The following DHCR24 variants were observed in gnomAD, a reference collection of about 807,000 sequenced individuals.
DHCR24 encodes the protein delta(24)-sterol reductase.
In DHCR24, 28 loss-of-function variants were observed where a neutral mutation model predicts 61.2. That is an observed-to-expected ratio of 0.46 (90% CI 0.34 to 0.63). The LOEUF is 0.63. DHCR24 is among the 20% of genes least tolerant of loss of function. DHCR24 has a pLI of 0.01. For synonymous variants in DHCR24, 261 were observed against 275.9 expected (o/e 0.95, Z 0.54); for missense variants, 538 against 679.1 (o/e 0.79, Z 2.31).
rs572795416 is a variant in DHCR24, at chr1:54,860,658, C to T, written c.1020+4645G>A. Among the ~76,000 whole-genome samples the T allele has an allele frequency of 5.8e-4, 88 of 152,302 alleles. 1 individual carries two copies. The highest frequency in any genetic ancestry group is 1.9e-4 in the Non-Finnish European group (13 of 68,038). ...TCCCATCATCCTTGGTTCCTTTCAC[C>T]GGTTCCTGGAAAAACGTCACTTTCT... On this transcript the variant is annotated intron_variant, in intron 6 of 8. Transcript: ENST00000371269.
intron 2 of DHCR24, among the ~76,000 whole-genome samples, chr1:54,876,759 G>A (rs1647036052): frequency 6.6e-6 from 1 of 151,674 alleles, no homozygotes; most frequent in Non-Finnish European, 1.5e-5. Context: ...TACTGTATTG[G>A]TACTGTGAAC....
rs1341060813 is a variant in DHCR24, at chr1:54,851,462, G to C, written c.*771C>G. 6.5e-6 allele frequency: 1 copy of C among 152,726 alleles called. No individual in the cohort carries two copies. The highest frequency in any genetic ancestry group is 6.5e-5 in the Admixed American group (1 of 15,280). The allele number at this position is 152,726 out of a possible 1,614,324, so 9.5% of individuals were successfully genotyped here. A position where few individuals can be genotyped will look rare whatever the true frequency, so the allele number is the denominator to read the frequency against. ...TCTCCACCTAGGTGTCCCAGGCTGA[G>C]GCTGGGACAAGATTCAACCCTGGAA... On this transcript the variant is annotated 3_prime_UTR_variant, in exon 9 of 9. Transcript: ENST00000371269.
chr1:54,875,418 AGAGG>A (rs1417954494), intron 3 of DHCR24, among the ~76,000 whole-genome samples: 4 of 152,106 alleles, frequency 2.6e-5, no homozygotes. Context: ...GGGTGTCCTT[AGAGG>A]AAGGGAGTGG....
chr1:54,869,049 AGAGT>A (rs1646982827), intron 5 of DHCR24, among the ~76,000 whole-genome samples: 1 of 152,240 alleles, frequency 6.6e-6, no homozygotes, highest in South Asian at 2.1e-4. Context: ...TCTGGGTGAC[AGAGT>A]GAGACCTTGT....
intron 6 of DHCR24, among the ~76,000 whole-genome samples, chr1:54,862,400 C>T (rs1226344334): frequency 2.0e-5 from 3 of 152,138 alleles, no homozygotes; most frequent in Non-Finnish European, 4.4e-5. Flanking sequence ...ATCCAGAGGT[C>T]GAGTCTGTCT....
rs1173550532 is a variant in DHCR24 at position 54,865,394 on chromosome 1, T to A, written c.929A>T (p.Asn310Ile). ...GCCCTCTCGGTTTGTCTTCAGATAG[T>A]TCTCCACATGCTTAAAGAACCACGG... ...YKPWFFKHVE[N>I]YLKTNREGLE... Residue 310 changes from asparagine (N) to isoleucine (I), a missense_variant, in exon 6 of 9, where the codon AAC becomes ATC. Transcript: ENST00000371269. 1 of 1,614,186 alleles carries A rather than the reference T, an allele frequency of 6.2e-7. No homozygotes were observed. The highest frequency in any genetic ancestry group is 1.1e-5 in the South Asian group (1 of 91,082).
At position 54,850,364 on chromosome 1, in the gene DHCR24, C is replaced by T. The variant is rs1036326495; in HGVS notation, c.*1869G>A. ...GAAGCACATGGGTCTCCTATGAGAG[C>T]TAATGCCAGAATTCACATGCTTTGT... On this transcript the variant is annotated 3_prime_UTR_variant, in exon 9 of 9. Coordinates refer to ENST00000371269, the MANE Select transcript of DHCR24 (RefSeq NM_014762.4). 1.3e-5 allele frequency: 2 copies of T among 152,238 alleles called. No individual in the cohort carries two copies. Among genetic ancestry groups the T allele is most frequent in the Non-Finnish European group, 2.9e-5 (2 of 68,070 alleles). 9.4% of individuals were successfully genotyped at this position (152,238 alleles called of 1,614,324 possible). A position where few individuals can be genotyped will look rare whatever the true frequency, so the allele number is the denominator to read the frequency against.
At chr1:54,852,499 T>A in intron 8 of DHCR24, 113 bp from the exon 9 acceptor site, 1 of 1,204,782 alleles carries the variant, frequency 8.3e-7, no homozygotes, top group Non-Finnish European at 1.2e-6. Flanking sequence ...AGGATTTCTC[T>A]TGTTTAACCC....
At position 54,871,407 on chromosome 1, in the gene DHCR24, G is replaced by A; in HGVS notation, c.819C>T (p.Ser273=). ...ENHFVEGLLY[S]LDEAVIMTGV... Reference sequence around the variant, plus strand: ...CTGTCATAATGACAGCCTCATCCAGGGAGTAGAGCAGCCCTTCCACGAAGT... The same window carrying A: ...CTGTCATAATGACAGCCTCATCCAGAGAGTAGAGCAGCCCTTCCACGAAGT... Residue 273 remains serine, a synonymous_variant, in exon 5 of 9, where the codon TCC becomes TCT. Transcript: ENST00000371269. The A allele has an allele frequency of 6.2e-7, 1 of 1,614,178 alleles. No homozygotes were observed. Among genetic ancestry groups the A allele is most frequent in the Non-Finnish European group, 8.5e-7 (1 of 1,180,024 alleles).
At chr1:54,862,804 C>T (rs1300140309) in intron 6 of DHCR24, among the ~76,000 whole-genome samples, 2 of 152,022 alleles carry the variant, frequency 1.3e-5, no homozygotes, top group South Asian at 2.1e-4. Flanking sequence ...AGGCCGGGTG[C>T]GGTGGTTCAC....
Position 54,852,061 on chromosome 1 carries a change from T to C in DHCR24, c.*172A>G, listed in dbSNP as rs886046420. 7.1e-6 allele frequency: 5 copies of C among 706,116 alleles called. No homozygotes were observed. Among genetic ancestry groups the C allele is most frequent in the Non-Finnish European group, 1.2e-5 (5 of 428,636 alleles). 43.7% of individuals were successfully genotyped at this position (706,116 alleles called of 1,614,324 possible). ...GACTCCAAATCCCACATTCTTTCCATTCCACTGGGCTGCCCCCTGGAAGCC... is the reference window on the plus strand; with the variant it reads ...GACTCCAAATCCCACATTCTTTCCACTCCACTGGGCTGCCCCCTGGAAGCC... On this transcript the variant is annotated 3_prime_UTR_variant, in exon 9 of 9. Coordinates refer to ENST00000371269, the MANE Select transcript of DHCR24 (RefSeq NM_014762.4).
chr1:54,878,601 C>T (rs1381954727), intron 2 of DHCR24, among the ~76,000 whole-genome samples: 1 of 149,020 alleles, frequency 6.7e-6, no homozygotes, highest in Non-Finnish European at 1.5e-5. Context: ...TCTGTTCCCA[C>T]AAGCCAGACT....
intron 5 of DHCR24, among the ~76,000 whole-genome samples, chr1:54,868,192 C>T (rs12137364): frequency 0.09 from 13,691 of 152,268 alleles, 694 homozygotes; most frequent in Admixed American, 0.11. Context: ...TCCAATTGGC[C>T]GGGCGCAGTG....
intron 2 of DHCR24, among the ~76,000 whole-genome samples, chr1:54,882,181 T>G (rs757644028): frequency 6.6e-6 from 1 of 152,114 alleles, no homozygotes; most frequent in African/African-American, 2.4e-5. Flanking sequence ...CCACCTGAAT[T>G]TTTTTAAATT....
intron 6 of DHCR24, among the ~76,000 whole-genome samples, chr1:54,858,047 A>AG (rs566122709): frequency 1.2e-4 from 18 of 152,170 alleles, no homozygotes; most frequent in South Asian, 2.1e-4. Context: ...ATCCCAGCAG[A>AG]GGGGGGGAAA....
intron 7 of DHCR24, 103 bp from the exon 8 acceptor site, chr1:54,853,715 C>T (rs1037303827): frequency 2.0e-5 from 27 of 1,336,294 alleles, no homozygotes; most frequent in South Asian, 1.6e-4. Flanking sequence ...TTGCAGCATT[C>T]TCAAGACCCC....
At chr1:54,884,347 C>T (rs1310498970) in intron 1 of DHCR24, among the ~76,000 whole-genome samples, 2 of 152,148 alleles carry the variant, frequency 1.3e-5, no homozygotes, top group Non-Finnish European at 2.9e-5. Context: ...ATAGCTAACA[C>T]GTATGGAGGC....
intron 1 of DHCR24, 178 bp downstream of exon 1, chr1:54,886,711 T>C: frequency 7.0e-7 from 1 of 1,432,342 alleles, no homozygotes; most frequent in Non-Finnish European, 9.2e-7. Flanking sequence ...GCCTGTTCTG[T>C]TCCCCCGCCC....
Position 54,871,630 on chromosome 1 carries a change from ATG to A in DHCR24, c.613-19_613-18del. ...GTTTTCGGACTGTGAGACAGAATTGATGTGTTGTGAGCTGAAACCTTGGGCCC... is the reference window on the plus strand; with the variant it reads ...GTTTTCGGACTGTGAGACAGAATTGATGTTGTGAGCTGAAACCTTGGGCCC... On this transcript the variant is annotated intron_variant, in intron 4 of 8. Transcript: ENST00000371269. 1 of 1,614,046 alleles carries A rather than the reference ATG, an allele frequency of 6.2e-7. No individual in the cohort carries two copies. The highest frequency in any genetic ancestry group is 8.5e-7 in the Non-Finnish European group (1 of 1,180,014).
Sources: allele counts gnomAD v4.1 joint callset (sites outside exome capture counted in the v4.1 genomes callset), GRCh38; gene constraint gnomAD v4.1.1; transcripts MANE v1.5; gene names NCBI Gene and HGNC (gene_info 2026-07-23, HGNC 2026-07-21).